DYNC1I1: variants seen among roughly 807,000 people sequenced by gnomAD.
DYNC1I1 encodes cytoplasmic dynein 1 intermediate chain 1.
A neutral mutation model predicts 86.6 loss-of-function variants in DYNC1I1; 43 were observed. The observed-to-expected ratio is 0.50, with a 90% CI of 0.39 to 0.64. The LOEUF is 0.64. Among genes scored for constraint, DYNC1I1 ranks in the 30% least tolerant of loss-of-function variants. The pLI, the probability that DYNC1I1 is intolerant of heterozygous loss-of-function variation, is 0.00. For synonymous variants in DYNC1I1, 262 were observed against 283.7 expected (o/e 0.92, Z 0.77); for missense variants, 604 against 788.8 (o/e 0.77, Z 2.81).
At chr7:96,020,473 G>T (rs2115908050) in intron 10 of DYNC1I1, among the ~76,000 whole-genome samples, 1 of 152,236 alleles carries the variant, frequency 6.6e-6, no homozygotes, top group South Asian at 2.1e-4. Flanking sequence ...AACACCATGG[G>T]AAAGACCTGC....
intron 14 of DYNC1I1, among the ~76,000 whole-genome samples, chr7:96,040,405 T>G (rs1265637237): frequency 1.3e-5 from 2 of 152,112 alleles, no homozygotes; most frequent in African/African-American, 4.8e-5. Flanking sequence ...TAAATGCATT[T>G]GAGAACCATT....
chr7:96,017,087 T>C (rs1794420934), intron 10 of DYNC1I1, among the ~76,000 whole-genome samples: 1 of 152,154 alleles, frequency 6.6e-6, no homozygotes, highest in Admixed American at 6.6e-5. Context: ...CTACACTTTT[T>C]CCTGTCAAAT....
At chr7:96,067,907 A>T (rs1242757859) in intron 14 of DYNC1I1, among the ~76,000 whole-genome samples, 1 of 152,204 alleles carries the variant, frequency 6.6e-6, no homozygotes, top group Non-Finnish European at 1.5e-5. Flanking sequence ...AGAGAGAATG[A>T]GAGTAACAAA....
intron 6 of DYNC1I1, among the ~76,000 whole-genome samples, chr7:95,890,429 C>T (rs371746076): frequency 1.1e-4 from 16 of 151,818 alleles, no homozygotes; most frequent in African/African-American, 2.9e-4. Context: ...GCCTCCTTGA[C>T]GGTGGAGGGT....
At chr7:95,818,466 T>A (rs547192990) in intron 4 of DYNC1I1, 1 of 673,316 alleles carries the variant, frequency 1.5e-6, no homozygotes, top group Non-Finnish European at 2.7e-6. Flanking sequence ...CACACCCAGC[T>A]GATTTAATTT....
chr7:96,013,954 G>A (rs1001561944), intron 10 of DYNC1I1, among the ~76,000 whole-genome samples: 1 of 152,140 alleles, frequency 6.6e-6, no homozygotes, highest in Non-Finnish European at 1.5e-5. Flanking sequence ...TTGAGTACCA[G>A]TTCATGGATC....
chr7:95,985,255 CTGAGAAAACATTCTTT>C (rs1466122682), intron 8 of DYNC1I1, among the ~76,000 whole-genome samples: 1 of 152,120 alleles, frequency 6.6e-6, no homozygotes, highest in African/African-American at 2.4e-5. Context: ...GCATTATCCT[CTGAGAAAACATTCTTT>C]TGAGCAGCAA....
intron 14 of DYNC1I1, among the ~76,000 whole-genome samples, chr7:96,073,089 C>T (rs528714376): frequency 1.3e-5 from 2 of 152,306 alleles, no homozygotes; most frequent in African/African-American, 4.8e-5. Flanking sequence ...ATAACAAGTT[C>T]AATCAATCCT....
At chr7:96,054,976 C>A (rs1173078568) in intron 14 of DYNC1I1, among the ~76,000 whole-genome samples, 2 of 152,130 alleles carry the variant, frequency 1.3e-5, no homozygotes, top group African/African-American at 4.8e-5. Flanking sequence ...TGTATTAGAT[C>A]TCATTTGTCA....
chr7:96,063,966 G>T lies in DYNC1I1; in HGVS notation c.1510-12091G>T, dbSNP rs570034759. On this transcript the variant is annotated intron_variant, in intron 14 of 16. Coordinates refer to ENST00000447467, the MANE Select transcript of DYNC1I1 (RefSeq NM_001135556.2). ...GAACCTTGAAGGACCCATGGATGTC[G>T]AGGGAAAGCAGCGGGAACAGTTGAT... Among the ~76,000 whole-genome samples, 8 of 152,308 alleles carry T rather than the reference G, an allele frequency of 5.3e-5. No homozygotes were observed. In the South Asian group the frequency reaches 1.0e-3, roughly 20 times the overall value.
At chr7:96,000,770 G>A (rs548324038) in intron 10 of DYNC1I1, among the ~76,000 whole-genome samples, 48 of 152,272 alleles carry the variant, frequency 3.2e-4, no homozygotes, top group African/African-American at 1.2e-3. Flanking sequence ...TGAAGAAGCA[G>A]AAGTGATCAC....
intron 5 of DYNC1I1, among the ~76,000 whole-genome samples, chr7:95,832,255 G>T (rs1263511243): frequency 7.2e-6 from 1 of 139,338 alleles, no homozygotes; most frequent in Non-Finnish European, 1.5e-5. Flanking sequence ...TACTGAGAAT[G>T]ATGATTTCCA....
intron 6 of DYNC1I1, among the ~76,000 whole-genome samples, chr7:95,875,111 A>G (rs1042056923): frequency 1.3e-5 from 2 of 152,198 alleles, no homozygotes; most frequent in African/African-American, 4.8e-5. Flanking sequence ...GTGAGGGACA[A>G]GGCAGAGAAA....
At chr7:95,860,715 C>A (rs2116119153) in intron 5 of DYNC1I1, among the ~76,000 whole-genome samples, 1 of 152,240 alleles carries the variant, frequency 6.6e-6, no homozygotes, top group Non-Finnish European at 1.5e-5. Flanking sequence ...AGTCCAAGAA[C>A]AAGGTACTGG....
chr7:95,859,366 A>C (rs923029328), intron 5 of DYNC1I1, among the ~76,000 whole-genome samples: 1 of 152,108 alleles, frequency 6.6e-6, no homozygotes, highest in Non-Finnish European at 1.5e-5. Context: ...TGGGAATGTC[A>C]TGTTTGCCTG....
intron 6 of DYNC1I1, among the ~76,000 whole-genome samples, chr7:95,881,707 C>T (rs933045162): frequency 1.3e-5 from 2 of 152,188 alleles, no homozygotes; most frequent in African/African-American, 2.4e-5. Flanking sequence ...AAGATTGAGC[C>T]GATGGCTCAA....
At chr7:95,797,308 A>C (rs1400116458) in intron 1 of DYNC1I1, among the ~76,000 whole-genome samples, 1 of 152,176 alleles carries the variant, frequency 6.6e-6, no homozygotes, top group Non-Finnish European at 1.5e-5. Context: ...TTTCTCAAAA[A>C]TCAATGGTGT....
chr7:95,957,517 GCTC>G (rs1792748266), intron 6 of DYNC1I1, among the ~76,000 whole-genome samples: 1 of 152,282 alleles, frequency 6.6e-6, no homozygotes, highest in East Asian at 1.9e-4. Context: ...TCCTCCAGAA[GCTC>G]CCACTCCCTT....
chr7:96,056,710 T>C (rs1008177850), intron 14 of DYNC1I1, among the ~76,000 whole-genome samples: 1 of 152,088 alleles, frequency 6.6e-6, no homozygotes, highest in Non-Finnish European at 1.5e-5. Flanking sequence ...CTATATATAG[T>C]ATATGCATAT....
Sources: allele counts gnomAD v4.1 joint callset (sites outside exome capture counted in the v4.1 genomes callset), GRCh38; gene constraint gnomAD v4.1.1; transcripts MANE v1.5; gene names NCBI Gene and HGNC (gene_info 2026-07-23, HGNC 2026-07-21).